The following AFF3 variants were observed in gnomAD, a reference collection of about 807,000 sequenced individuals.
AFF3 encodes the protein AF4/FMR2 family member 3.
In AFF3, 32 loss-of-function variants were observed where a neutral mutation model predicts 129.7. That is an observed-to-expected ratio of 0.25 (90% CI 0.19 to 0.33). The LOEUF (loss-of-function observed/expected upper bound fraction) is 0.33, where lower values mean the gene tolerates loss of function less well. Among genes scored for constraint, AFF3 ranks in the 10% least tolerant of loss-of-function variants. The pLI is 1.00. For missense variants in AFF3, 1,373 were observed against 1,592.0 expected (o/e 0.86, Z 2.34); for synonymous variants, 644 against 635.4 (o/e 1.01, Z -0.20).
intron 7 of AFF3, among the ~76,000 whole-genome samples, chr2:99,902,779 A>T (rs1694444078): frequency 6.6e-6 from 1 of 152,186 alleles, no homozygotes; most frequent in South Asian, 2.1e-4. Flanking sequence ...AGATGTGTGG[A>T]TCACATTACA....
In AFF3 at chr2:100,051,891, G is replaced by A. The variant is rs566045411; in HGVS notation, c.54-42959C>T. ...GAGAGATTTGATCAATTAAAGCCAA[G>A]ATCAGTTACATTATTTGGTTTACCT... On this transcript the variant is annotated intron_variant, in intron 4 of 24. Coordinates refer to ENST00000672756, the MANE Select transcript of AFF3 (RefSeq NM_001386135.1). 5.9e-5 allele frequency among the ~76,000 whole-genome samples: 9 copies of A among 152,306 alleles called. 1 individual carries two copies. In the South Asian group the frequency reaches 1.9e-3, roughly 32 times the overall value.
At chr2:99,705,647 G>T (rs1188738550) in intron 11 of AFF3, among the ~76,000 whole-genome samples, 3 of 152,032 alleles carry the variant, frequency 2.0e-5, no homozygotes, top group Non-Finnish European at 4.4e-5. Flanking sequence ...GCCAAGGTGG[G>T]TGGATCACCT....
intron 13 of AFF3, among the ~76,000 whole-genome samples, chr2:99,629,238 C>T (rs954958085): frequency 3.3e-5 from 5 of 152,152 alleles, no homozygotes; most frequent in Non-Finnish European, 7.3e-5. Context: ...TCAGTTTTGA[C>T]CCAGTACTGC....
intron 7 of AFF3, among the ~76,000 whole-genome samples, chr2:99,878,447 C>T (rs1303770036): frequency 1.3e-5 from 2 of 152,128 alleles, no homozygotes; most frequent in Non-Finnish European, 2.9e-5. Flanking sequence ...GATTTTTAAA[C>T]ACCCAGAGCC....
At chr2:100,048,946 T>C (rs894228873) in intron 4 of AFF3, among the ~76,000 whole-genome samples, 1 of 152,186 alleles carries the variant, frequency 6.6e-6, no homozygotes, top group Non-Finnish European at 1.5e-5. Context: ...TTTTTTAAAA[T>C]AAAAAAGACA....
chr2:99,933,990 C>G (rs929454104), intron 7 of AFF3, among the ~76,000 whole-genome samples: 1 of 152,190 alleles, frequency 6.6e-6, no homozygotes, highest in Non-Finnish European at 1.5e-5. Context: ...ATAATATCCA[C>G]CATGCATTAC....
chr2:99,935,107 C>T (rs1277696067), intron 7 of AFF3, among the ~76,000 whole-genome samples: 1 of 152,180 alleles, frequency 6.6e-6, no homozygotes, highest in Non-Finnish European at 1.5e-5. Flanking sequence ...GGGAGGTCAT[C>T]TAATGTTTCG....
Position 100,058,593 on chromosome 2 carries a change from T to C in AFF3, c.53+45809A>G, listed in dbSNP as rs376558023. Among the ~76,000 whole-genome samples the C allele has an allele frequency of 1.2e-4, 18 of 152,290 alleles. No homozygotes were observed. The East Asian group carries it at 3.5e-3, about 29-fold the overall frequency. The stretch of plus-strand genomic sequence containing the variant: ...TTCTTTTTTTTTGGATGGCTAGCCA[T>C]GTATACACACTGTATAGCCTCTACC... On this transcript the variant is annotated intron_variant, in intron 4 of 24. Transcript: ENST00000672756.
At chr2:99,951,888 C>T (rs748686459) in intron 7 of AFF3, among the ~76,000 whole-genome samples, 3 of 152,174 alleles carry the variant, frequency 2.0e-5, no homozygotes, top group South Asian at 2.1e-4. Context: ...TCAGGTGATC[C>T]GCCTGCCTTG....
chr2:99,740,689 A>G (rs1007339132), intron 10 of AFF3, among the ~76,000 whole-genome samples: 2 of 151,172 alleles, frequency 1.3e-5, no homozygotes, highest in Non-Finnish European at 2.9e-5. Flanking sequence ...AATTTGTTTG[A>G]GTTCATTGTA....
At chr2:99,918,094 T>A (rs1695599793) in intron 7 of AFF3, among the ~76,000 whole-genome samples, 1 of 152,194 alleles carries the variant, frequency 6.6e-6, no homozygotes, top group African/African-American at 2.4e-5. Context: ...AATTCACTAT[T>A]CCTTCAACCA....
intron 7 of AFF3, among the ~76,000 whole-genome samples, chr2:99,943,841 T>C (rs1002304630): frequency 2.0e-5 from 3 of 152,184 alleles, no homozygotes; most frequent in Non-Finnish European, 4.4e-5. Flanking sequence ...TTGTATTGCA[T>C]GTTTCTCTCA....
At chr2:99,635,940 T>C (rs1683612446) in intron 13 of AFF3, among the ~76,000 whole-genome samples, 1 of 152,182 alleles carries the variant, frequency 6.6e-6, no homozygotes, top group Non-Finnish European at 1.5e-5. Context: ...CAGGACCACA[T>C]GCCTTTGCCA....
chr2:100,139,956 T>G (rs1692793559), intron 1 of AFF3, among the ~76,000 whole-genome samples: 1 of 152,158 alleles, frequency 6.6e-6, no homozygotes, highest in Non-Finnish European at 1.5e-5. Flanking sequence ...GAACATCAGC[T>G]CCAGAGGGTG....
intron 7 of AFF3, among the ~76,000 whole-genome samples, chr2:99,957,713 A>T (rs1576429065): frequency 6.6e-6 from 1 of 152,362 alleles, no homozygotes; most frequent in East Asian, 1.9e-4. Context: ...TAGAAGACAG[A>T]AGTCTGCACA....
intron 11 of AFF3, among the ~76,000 whole-genome samples, chr2:99,701,322 G>A (rs1558764100): frequency 6.6e-6 from 1 of 152,158 alleles, no homozygotes; most frequent in Non-Finnish European, 1.5e-5. Flanking sequence ...AGGAAAGAAC[G>A]TCTCTTCGGT....
At chr2:100,038,245 C>G (rs6542905) in intron 4 of AFF3, among the ~76,000 whole-genome samples, 58,583 of 151,596 alleles carry the variant, frequency 0.39, 11,623 homozygotes, top group Middle Eastern at 0.47. Context: ...CCACTCTAAG[C>G]GCTAAAGTCG....
chr2:99,672,178 T>TCACACACACACACA, intron 12 of AFF3, among the ~76,000 whole-genome samples: 1 of 56,380 alleles, frequency 1.8e-5, no homozygotes, highest in Non-Finnish European at 3.1e-5. Flanking sequence ...AGTTAGCTTC[T>TCACACACACACACA]CACACACACA....
Position 99,793,173 on chromosome 2 carries a change from G to A in AFF3, c.922-40872C>T, listed in dbSNP as rs141532399. On this transcript the variant is annotated intron_variant, in intron 8 of 24. Coordinates refer to ENST00000672756, the MANE Select transcript of AFF3 (RefSeq NM_001386135.1). ...TGAGTTTCTAGCTCTATTAGTTCCCGCAAGAACTGGATGTTAAAAAAAGAA... is the reference window on the plus strand; with the variant it reads ...TGAGTTTCTAGCTCTATTAGTTCCCACAAGAACTGGATGTTAAAAAAAGAA... Among the ~76,000 whole-genome samples, 117 of 152,156 alleles carry A rather than the reference G, an allele frequency of 7.7e-4. 3 individuals are homozygous for A. The East Asian group carries it at 0.019, about 25-fold the overall frequency.
Sources: gnomAD v4.1 joint callset for allele counts (sites outside exome capture counted in the v4.1 genomes callset) on GRCh38, gnomAD v4.1.1 for gene constraint, MANE v1.5 for transcripts, NCBI Gene and HGNC (gene_info 2026-07-23, HGNC 2026-07-21) for gene names.